The following CFAP77 variants were observed in gnomAD, a reference collection of about 807,000 sequenced individuals.
The protein encoded by CFAP77 is cilia- and flagella-associated protein 77.
A neutral mutation model predicts 31.1 loss-of-function variants in CFAP77; 25 were observed. That is an observed-to-expected ratio of 0.80 (90% CI 0.59 to 1.12). CFAP77 has a LOEUF of 1.12. Ranked by LOEUF, CFAP77 falls within the 50% of genes most tolerant of loss-of-function variation. The pLI, the probability that CFAP77 is intolerant of heterozygous loss-of-function variation, is 0.00. For missense variants in CFAP77, 377 were observed against 397.3 expected, an observed-to-expected ratio of 0.95 and a Z score of 0.44; for synonymous variants, 151 against 159.9, an observed-to-expected ratio of 0.94 and a Z score of 0.42.
intron 1 of CFAP77, among the ~76,000 whole-genome samples, chr9:132,425,043 G>T (rs1056304877): frequency 6.6e-6 from 1 of 152,148 alleles, no homozygotes; most frequent in African/African-American, 2.4e-5. Context: ...TCAGGGCGGC[G>T]GGAGGGATTA....
In CFAP77 at chr9:132,481,959, TGGGGG is replaced by T. The variant is rs59722731; in HGVS notation, c.196-16726_196-16722del. Among the ~76,000 whole-genome samples the T allele has an allele frequency of 0.026, 3,002 of 115,850 alleles. 88 individuals are homozygous for T. The highest frequency in any genetic ancestry group is 0.14 in the East Asian group (457 of 3,214). The allele number at this position is 115,850 out of a possible 152,430, so 76.0% of individuals were successfully genotyped here. On this transcript the variant is annotated intron_variant, in intron 1 of 5. Transcript: ENST00000393216. This position sits in a 1 kb window ranked among gnomAD's most constrained non-coding sequence, Gnocchi z 5.0. ...TCAGGAAGGAACAAGGGTTTATGGT[TGGGGG>T]GGGGGGGGGCGGCGGAACACTGAAC...
chr9:132,519,263 A>G (rs1171112810), intron 3 of CFAP77, among the ~76,000 whole-genome samples: 35 of 24,942 alleles, frequency 1.4e-3, no homozygotes, highest in South Asian at 3.2e-3. Flanking sequence ...TGGATGGATG[A>G]GTGAGTGGGT....
At chr9:132,463,132 G>A (rs1371398829) in intron 1 of CFAP77, among the ~76,000 whole-genome samples, 4 of 152,144 alleles carry the variant, frequency 2.6e-5, no homozygotes, top group Non-Finnish European at 5.9e-5. Context: ...GGCTGGGAAC[G>A]GATGGAAGGT....
intron 1 of CFAP77, among the ~76,000 whole-genome samples, chr9:132,485,029 A>G (rs1292001484): frequency 6.6e-6 from 1 of 151,914 alleles, no homozygotes; most frequent in Non-Finnish European, 1.5e-5. Context: ...TTTTATTTTT[A>G]GTAGAGACAG....
chr9:132,420,018 G>A (rs560624794), intron 1 of CFAP77, among the ~76,000 whole-genome samples: 5 of 152,030 alleles, frequency 3.3e-5, no homozygotes, highest in Non-Finnish European at 5.9e-5. Context: ...AAAATTAGGC[G>A]GGTGTGGTAG....
intron 5 of CFAP77, among the ~76,000 whole-genome samples, chr9:132,560,621 A>T (rs1852979811): frequency 6.6e-6 from 1 of 152,206 alleles, no homozygotes; most frequent in East Asian, 1.9e-4. Context: ...TGCTCCGGTA[A>T]GTCCCGCAGC....
chr9:132,544,596 G>A (rs1852704456), intron 5 of CFAP77, among the ~76,000 whole-genome samples: 1 of 151,456 alleles, frequency 6.6e-6, no homozygotes, highest in South Asian at 2.1e-4. Context: ...CCAGGCTCAG[G>A]TGTTCCTCCT....
chr9:132,495,226 G>A lies in CFAP77; in HGVS notation c.196-3469G>A, dbSNP rs767855060. On this transcript the variant is annotated intron_variant, in intron 1 of 5. Coordinates refer to ENST00000393216, the MANE Select transcript of CFAP77 (RefSeq NM_001282957.2). This position sits in a 1 kb window ranked among gnomAD's most constrained non-coding sequence, Gnocchi z 4.2. ...TCTAAAGCTTCCACATGTTTCAGCA[G>A]TTATTGATTCCCAGGCAACCACACT... 1.4e-4 allele frequency among the ~76,000 whole-genome samples: 21 copies of A among 151,948 alleles called. No homozygotes were observed. Among genetic ancestry groups the A allele is most frequent in the Non-Finnish European group, 1.8e-4 (12 of 68,004 alleles).
chr9:132,543,555 C>A (rs1357559185), intron 5 of CFAP77, among the ~76,000 whole-genome samples: 1 of 152,210 alleles, frequency 6.6e-6, no homozygotes, highest in Non-Finnish European at 1.5e-5. Context: ...CAGGGGCTGT[C>A]TGGACCAAAC....
chr9:132,416,113 T>C (rs558035417), intron 1 of CFAP77, among the ~76,000 whole-genome samples: 1 of 152,098 alleles, frequency 6.6e-6, no homozygotes, highest in African/African-American at 2.4e-5. Flanking sequence ...TCCCTTGGAG[T>C]AGGACAGTGT....
chr9:132,572,510 GC>G lies in CFAP77; in HGVS notation c.*4del. 1 of 1,577,882 alleles carries G rather than the reference GC, an allele frequency of 6.3e-7. No individual in the cohort carries two copies. The highest frequency in any genetic ancestry group is 8.6e-7 in the Non-Finnish European group (1 of 1,158,594). Reference sequence around the variant, plus strand: ...GGATGGGCAACTACACCCACCCCTAGCCCCTCCCTCCCCTGCCACAAGAAGC... The same window carrying G: ...GGATGGGCAACTACACCCACCCCTAGCCCTCCCTCCCCTGCCACAAGAAGC... On this transcript the variant is annotated 3_prime_UTR_variant, in exon 6 of 6. Transcript: ENST00000393216.
At position 132,420,133 on chromosome 9, in the gene CFAP77, C is replaced by T. The variant is rs186321758; in HGVS notation, c.195+9667C>T. On this transcript the variant is annotated intron_variant, in intron 1 of 5. Coordinates refer to ENST00000393216, the MANE Select transcript of CFAP77 (RefSeq NM_001282957.2). ...CTATGATCACACCACTGCACTCTAG[C>T]CTGGGTGACAGAGCAAGACCTTGAC... Among the ~76,000 whole-genome samples, 14 of 146,404 alleles carry T rather than the reference C, an allele frequency of 9.6e-5. No homozygotes were observed. The Admixed American group carries it at 9.8e-4, about 10-fold the overall frequency.
rs996512245 is a variant in CFAP77, at chr9:132,446,462, C to T, written c.195+35996C>T. Among the ~76,000 whole-genome samples the T allele has an allele frequency of 7.2e-5, 11 of 152,118 alleles. No homozygotes were observed. In the East Asian group the frequency reaches 9.7e-4, roughly 13 times the overall value. On this transcript the variant is annotated intron_variant, in intron 1 of 5. Coordinates refer to ENST00000393216, the MANE Select transcript of CFAP77 (RefSeq NM_001282957.2). ...CTGCCAAAGATATGGCTCTCAAGGTCGGGCGTGGTGGCTCACGCCTGTAAT... is the reference window on the plus strand; with the variant it reads ...CTGCCAAAGATATGGCTCTCAAGGTTGGGCGTGGTGGCTCACGCCTGTAAT...
Position 132,481,580 on chromosome 9 carries a change from A to C in CFAP77, c.196-17115A>C, listed in dbSNP as rs1233615314. Among the ~76,000 whole-genome samples, 1 of 152,150 alleles carries C rather than the reference A, an allele frequency of 6.6e-6. No homozygotes were observed. The highest frequency in any genetic ancestry group is 2.4e-5 in the African/African-American group (1 of 41,438). ...GCATTGCTGCTGAGGCCTCTGCATC[A>C]TCTGCCCTAGGAAATGTCAACCCAG... is the stretch of plus-strand genomic sequence containing the variant. On this transcript the variant is annotated intron_variant, in intron 1 of 5. Transcript: ENST00000393216. The surrounding 1 kb of genome is among the most constrained non-coding windows in gnomAD (Gnocchi z 5.0).
At chr9:132,475,054 G>A (rs147492878) in intron 1 of CFAP77, among the ~76,000 whole-genome samples, 107 of 152,330 alleles carry the variant, frequency 7.0e-4, no homozygotes, top group Middle Eastern at 3.4e-3. Context: ...GAAGGAAAAT[G>A]CATCATTTCA....
intron 5 of CFAP77, among the ~76,000 whole-genome samples, chr9:132,563,173 C>A (rs1037960843): frequency 1.3e-5 from 2 of 151,840 alleles, no homozygotes; most frequent in African/African-American, 4.8e-5. Flanking sequence ...TGGATGCAAC[C>A]ATGCCCTGCT....
At chr9:132,478,664 C>T (rs552069281) in intron 1 of CFAP77, among the ~76,000 whole-genome samples, 1 of 152,136 alleles carries the variant, frequency 6.6e-6, no homozygotes, top group Non-Finnish European at 1.5e-5. Context: ...CTGGAGGTGA[C>T]GAGGAGGGGA....
At position 132,501,172 on chromosome 9, in the gene CFAP77, A is replaced by C. The variant is rs1851833855; in HGVS notation, c.524+1572A>C. Among the ~76,000 whole-genome samples, 1 of 152,250 alleles carries C rather than the reference A, an allele frequency of 6.6e-6. No homozygotes were observed. Among genetic ancestry groups the C allele is most frequent in the Admixed American group, 6.5e-5 (1 of 15,284 alleles). On this transcript the variant is annotated intron_variant, in intron 3 of 5. Coordinates refer to ENST00000393216, the MANE Select transcript of CFAP77 (RefSeq NM_001282957.2). The surrounding 1 kb of genome is among the most constrained non-coding windows in gnomAD (Gnocchi z 4.6). ...GGAAAGTGCAGGGACAGCTTCAGGC[A>C]TAGCAGGATCTAGGCAGTCAGGCAA...
intron 3 of CFAP77, among the ~76,000 whole-genome samples, chr9:132,519,601 TGG>T (rs1852223950): frequency 7.1e-6 from 1 of 141,702 alleles, no homozygotes; most frequent in African/African-American, 2.7e-5. Context: ...GATGGATGGA[TGG>T]ATGGATGGAT....
Sources: allele counts gnomAD v4.1 joint callset (sites outside exome capture counted in the v4.1 genomes callset), GRCh38; gene constraint gnomAD v4.1.1; non-coding constraint Gnocchi (gnomAD v3.1); transcripts MANE v1.5; gene names NCBI Gene and HGNC (gene_info 2026-07-23, HGNC 2026-07-21).